KAZN: variants seen among roughly 807,000 people sequenced by gnomAD.
The protein encoded by KAZN is kazrin.
KAZN carries 40 observed loss-of-function variants against 87.4 expected under a neutral mutation model. That is an observed-to-expected ratio of 0.46 (90% CI 0.36 to 0.60). The LOEUF is 0.60. Among genes scored for constraint, KAZN ranks in the 20% least tolerant of loss-of-function variants. KAZN has a pLI of 0.00. For synonymous variants in KAZN, 466 were observed against 458.3 expected, an observed-to-expected ratio of 1.02 and a Z score of -0.22; for missense variants, 898 against 1,073.9, an observed-to-expected ratio of 0.84 and a Z score of 2.29.
intron 1 of KAZN, among the ~76,000 whole-genome samples, chr1:14,814,308 C>T (rs1557517363): frequency 6.6e-6 from 1 of 152,140 alleles, no homozygotes. Context: ...CTCCCTGAAA[C>T]CTCTGCCCCC....
At chr1:14,821,243 G>A (rs1403456032) in intron 1 of KAZN, among the ~76,000 whole-genome samples, 1 of 152,148 alleles carries the variant, frequency 6.6e-6, no homozygotes, top group Non-Finnish European at 1.5e-5. Flanking sequence ...CTTTCAAGAG[G>A]TAATTACCGC....
intron 2 of KAZN, among the ~76,000 whole-genome samples, chr1:14,370,375 G>A (rs1465980369): frequency 6.6e-6 from 1 of 152,198 alleles, no homozygotes; most frequent in Non-Finnish European, 1.5e-5. Flanking sequence ...CCACCCCCAG[G>A]CAGCAAGCTG....
At chr1:14,188,070 G>A (rs906385368) in intron 2 of KAZN, among the ~76,000 whole-genome samples, 2 of 152,052 alleles carry the variant, frequency 1.3e-5, no homozygotes, top group African/African-American at 4.8e-5. Flanking sequence ...AGATAACAGT[G>A]AGTTTTAATG....
chr1:14,687,692 C>T (rs1641036282), intron 1 of KAZN, among the ~76,000 whole-genome samples: 1 of 152,170 alleles, frequency 6.6e-6, no homozygotes, highest in Non-Finnish European at 1.5e-5. Context: ...CTAGCTGTAC[C>T]TGCACTTTAC....
At chr1:14,596,773 T>C (rs540957307), upstream of KAZN, among the ~76,000 whole-genome samples, 8 of 152,378 alleles carry the variant, frequency 5.3e-5, no homozygotes, top group Admixed American at 5.2e-4. Flanking sequence ...AGTAGTAGCA[T>C]GTATCAGTAC....
chr1:14,377,316 G>A (rs1660994313), intron 2 of KAZN, among the ~76,000 whole-genome samples: 1 of 152,176 alleles, frequency 6.6e-6, no homozygotes, highest in Non-Finnish European at 1.5e-5. Flanking sequence ...CAAATGTGAA[G>A]GTGCCTTGTA....
At chr1:14,838,647 G>A (rs1231409117) in intron 1 of KAZN, among the ~76,000 whole-genome samples, 1 of 152,148 alleles carries the variant, frequency 6.6e-6, no homozygotes, top group Non-Finnish European at 1.5e-5. Context: ...GGGAGACAGA[G>A]TCTCATTCTG....
intron 1 of KAZN, among the ~76,000 whole-genome samples, chr1:13,981,780 G>C (rs1638721470): frequency 6.6e-6 from 1 of 152,156 alleles, no homozygotes; most frequent in African/African-American, 2.4e-5. Flanking sequence ...GTTCAGCAGG[G>C]GGCCCCTGTG....
intron 1 of KAZN, among the ~76,000 whole-genome samples, chr1:14,052,472 A>G (rs569528721): frequency 2.0e-4 from 31 of 152,298 alleles, no homozygotes; most frequent in African/African-American, 7.2e-4. Context: ...GGGAGTTTAC[A>G]ATTAAGATCA....
intron 2 of KAZN, among the ~76,000 whole-genome samples, chr1:14,478,953 CAGGTAT>C: frequency 6.6e-6 from 1 of 152,160 alleles, no homozygotes; most frequent in East Asian, 1.9e-4. Flanking sequence ...AAACAAGATA[CAGGTAT>C]ATTATAAAGG....
chr1:14,992,888 C>T (rs1316911495), intron 2 of KAZN, among the ~76,000 whole-genome samples: 1 of 152,076 alleles, frequency 6.6e-6, no homozygotes, highest in Non-Finnish European at 1.5e-5. Context: ...AAGCGATCCA[C>T]TCGCCTCAGC....
intron 1 of KAZN, among the ~76,000 whole-genome samples, chr1:14,774,903 C>T (rs1489186611): frequency 6.6e-6 from 1 of 152,228 alleles, no homozygotes; most frequent in Non-Finnish European, 1.5e-5. Flanking sequence ...ATTGTCCCTT[C>T]TCCTTCGTTC....
At chr1:13,897,939 C>T (rs764383756) in intron 1 of KAZN, among the ~76,000 whole-genome samples, 13 of 152,190 alleles carry the variant, frequency 8.5e-5, no homozygotes, top group African/African-American at 1.2e-4. Context: ...ATTTCTTTTA[C>T]TTGACTTTGC....
intron 2 of KAZN, among the ~76,000 whole-genome samples, chr1:14,525,443 C>T (rs926236654): frequency 6.6e-6 from 1 of 152,200 alleles, no homozygotes; most frequent in African/African-American, 2.4e-5. Context: ...CAGACTTAGA[C>T]AACACATAAA....
chr1:14,946,842 C>T (rs769353338), intron 1 of KAZN, among the ~76,000 whole-genome samples: 84 of 152,226 alleles, frequency 5.5e-4, no homozygotes, highest in African/African-American at 1.4e-3. Context: ...AGCCAGTGGC[C>T]GCGCGGTTGA....
chr1:14,280,167 C>G (rs1038100256), intron 2 of KAZN, among the ~76,000 whole-genome samples: 2 of 151,896 alleles, frequency 1.3e-5, no homozygotes, highest in African/African-American at 4.8e-5. Context: ...TCGAGACCAT[C>G]CTGGCTAACA....
rs559405095 is a variant in KAZN, at chr1:14,383,029, T to C, written c.249+202437T>C. 2.2e-3 allele frequency among the ~76,000 whole-genome samples: 326 copies of C among 151,200 alleles called. 2 individuals are homozygous for C. The highest frequency in any genetic ancestry group is 3.1e-3 in the Non-Finnish European group (206 of 67,480). ...TGCCATTCTAACTGGTGTGAGATGG[T>C]ATCTCGTTGTGGTTTTGATTTGCAT... On this transcript the variant is annotated intron_variant, in intron 2 of 16. Coordinates refer to the KAZN transcript ENST00000636203.
At chr1:14,008,777 T>C (rs1264139684) in intron 1 of KAZN, among the ~76,000 whole-genome samples, 1 of 152,204 alleles carries the variant, frequency 6.6e-6, no homozygotes, top group Non-Finnish European at 1.5e-5. Flanking sequence ...TAATTTTCTC[T>C]TTTCCCAGTT....
At chr1:14,981,062 G>A (rs7522814) in intron 2 of KAZN, among the ~76,000 whole-genome samples, 47,341 of 151,970 alleles carry the variant, frequency 0.31, 7,576 homozygotes, top group Middle Eastern at 0.36. Context: ...AGAGGGACAG[G>A]GCAGCCTCCT....
Sources: allele counts gnomAD v4.1 joint callset (sites outside exome capture counted in the v4.1 genomes callset), GRCh38; gene constraint gnomAD v4.1.1; transcripts MANE v1.5; gene names NCBI Gene and HGNC (gene_info 2026-07-23, HGNC 2026-07-21).